Variants in NTM observed in about 807,000 individuals in gnomAD.
NTM encodes the protein IgLON family member 2.
NTM carries 13 observed loss-of-function variants against 42.1 expected under a neutral mutation model. The ratio of observed to expected loss-of-function variants is 0.31; its 90% CI spans 0.20 to 0.49. The LOEUF is 0.49. Among genes scored for constraint, NTM ranks in the 20% least tolerant of loss-of-function variants. NTM has a pLI of 0.99. For missense variants in NTM, 373 were observed against 452.8 expected, an observed-to-expected ratio of 0.82 and a Z score of 1.60; for synonymous variants, 187 against 179.2, an observed-to-expected ratio of 1.04 and a Z score of -0.35.
chr11:132,038,634 G>T (rs895242186), intron 2 of NTM, among the ~76,000 whole-genome samples: 3 of 152,218 alleles, frequency 2.0e-5, no homozygotes, highest in Admixed American at 2.0e-4. Context: ...AACCCTTGCT[G>T]CTGTTGCTGC....
intron 1 of NTM, among the ~76,000 whole-genome samples, chr11:131,817,676 G>A (rs1592063186): frequency 6.6e-6 from 1 of 152,322 alleles, no homozygotes; most frequent in South Asian, 2.1e-4. Context: ...GGGCCTCTGA[G>A]CTTCCATGAG....
chr11:132,077,431 A>G (rs538125999), intron 2 of NTM, among the ~76,000 whole-genome samples: 1 of 152,224 alleles, frequency 6.6e-6, no homozygotes, highest in Non-Finnish European at 1.5e-5. Context: ...GCAAGAGGGA[A>G]AATACCAGCA....
intron 1 of NTM, among the ~76,000 whole-genome samples, chr11:131,595,195 C>T (rs975928903): frequency 6.6e-6 from 1 of 152,146 alleles, no homozygotes; most frequent in Non-Finnish European, 1.5e-5. Context: ...GTCTAGGGCT[C>T]ATCCAGCCAC....
At chr11:131,872,628 T>C (rs1168542948) in intron 1 of NTM, among the ~76,000 whole-genome samples, 1 of 152,194 alleles carries the variant, frequency 6.6e-6, no homozygotes, top group Non-Finnish European at 1.5e-5. Flanking sequence ...AGAATATGAA[T>C]GGTGTATTTA....
intron 1 of NTM, among the ~76,000 whole-genome samples, chr11:131,529,283 A>G (rs935167703): frequency 4.6e-5 from 7 of 152,250 alleles, no homozygotes; most frequent in African/African-American, 1.4e-4. Flanking sequence ...TCCAGAGGAC[A>G]ATCATGTAAA....
chr11:131,493,295 T>C (rs1003363623), intron 1 of NTM, among the ~76,000 whole-genome samples: 4 of 151,986 alleles, frequency 2.6e-5, no homozygotes, highest in Admixed American at 6.6e-5. Context: ...TAAAAGACAA[T>C]TATTATAATG....
intron 5 of NTM, 65 bp downstream of exon 5, chr11:132,307,888 C>T (rs2095148839): frequency 1.2e-5 from 18 of 1,514,510 alleles, no homozygotes; most frequent in South Asian, 1.2e-5. Context: ...ACAGCCACCA[C>T]CCAGAGCCCA....
chr11:131,543,467 C>T (rs2053542441), intron 1 of NTM, among the ~76,000 whole-genome samples: 1 of 152,234 alleles, frequency 6.6e-6, no homozygotes, highest in Admixed American at 6.5e-5. Flanking sequence ...GGCAACAGGA[C>T]ACTGATCCAC....
intron 4 of NTM, among the ~76,000 whole-genome samples, chr11:132,265,650 A>G (rs2093137051): frequency 6.6e-6 from 1 of 152,218 alleles, no homozygotes; most frequent in Admixed American, 6.5e-5. Flanking sequence ...ATGACAGTGA[A>G]GGTGGATGGG....
intron 2 of NTM, among the ~76,000 whole-genome samples, chr11:132,016,541 C>G (rs1372417030): frequency 6.6e-6 from 1 of 151,822 alleles, no homozygotes; most frequent in Admixed American, 6.6e-5. Flanking sequence ...TATTAATTCA[C>G]TAGTTGCTAG....
rs114306969 is a variant in NTM at position 132,205,933 on chromosome 11, T to C, written c.401-6089T>C. Among the ~76,000 whole-genome samples, 645 of 152,252 alleles carry C rather than the reference T, an allele frequency of 4.2e-3. 3 individuals carry two copies. The highest frequency in any genetic ancestry group is 0.015 in the African/African-American group (622 of 41,550). Reference sequence around the variant, plus strand: ...TGTTCTCCCCAAAAGTAGTTCCCCCTAGAAGGTCTAGGGGTCTCCCTGTGC... The same window carrying C: ...TGTTCTCCCCAAAAGTAGTTCCCCCCAGAAGGTCTAGGGGTCTCCCTGTGC... On this transcript the variant is annotated intron_variant, in intron 3 of 8. Transcript: ENST00000683400.
intron 1 of NTM, among the ~76,000 whole-genome samples, chr11:131,725,298 C>T (rs2078827912): frequency 6.6e-6 from 1 of 152,136 alleles, no homozygotes; most frequent in African/African-American, 2.4e-5. Context: ...AAAATCTTTG[C>T]TCTTTTTGGG....
intron 1 of NTM, among the ~76,000 whole-genome samples, chr11:131,441,421 C>G (rs1030977718): frequency 2.0e-5 from 3 of 152,150 alleles, no homozygotes; most frequent in Non-Finnish European, 4.4e-5. Context: ...TACTCTGATT[C>G]TTATTGAATT....
At chr11:132,315,434 G>C (rs2095403380) in intron 7 of NTM, among the ~76,000 whole-genome samples, 1 of 152,202 alleles carries the variant, frequency 6.6e-6, no homozygotes, top group Non-Finnish European at 1.5e-5. Context: ...GATGAACGCA[G>C]ATTCTCCCTA....
At chr11:132,214,525 GT>G (rs2083457841) in intron 4 of NTM, among the ~76,000 whole-genome samples, 5 of 152,024 alleles carry the variant, frequency 3.3e-5, no homozygotes, top group Non-Finnish European at 5.9e-5. Flanking sequence ...TTTTGTTGTT[GT>G]TCTATGCTTT....
At chr11:131,479,174 G>C (rs1186198190) in intron 1 of NTM, among the ~76,000 whole-genome samples, 1 of 152,218 alleles carries the variant, frequency 6.6e-6, no homozygotes, top group Non-Finnish European at 1.5e-5. Flanking sequence ...AGATAAATTA[G>C]AGACATTCTC....
chr11:132,011,179 T>C (rs2072086839), intron 2 of NTM, among the ~76,000 whole-genome samples: 1 of 152,016 alleles, frequency 6.6e-6, no homozygotes, highest in South Asian at 2.1e-4. Context: ...AAGAACTGAA[T>C]AAAGTCACCT....
At chr11:131,925,428 A>G (rs1309047463) in intron 2 of NTM, among the ~76,000 whole-genome samples, 2 of 127,890 alleles carry the variant, frequency 1.6e-5, no homozygotes, top group African/African-American at 6.3e-5. Flanking sequence ...TCTGTCACCC[A>G]GGCTGGAGTG....
At chr11:131,730,495 G>A (rs1005476598) in intron 1 of NTM, among the ~76,000 whole-genome samples, 1 of 152,040 alleles carries the variant, frequency 6.6e-6, no homozygotes, top group African/African-American at 2.4e-5. Context: ...CAGGAGGATA[G>A]GTTGAACCCG....
Sources: allele counts gnomAD v4.1 joint callset (sites outside exome capture counted in the v4.1 genomes callset), GRCh38; gene constraint gnomAD v4.1.1; transcripts MANE v1.5; gene names NCBI Gene and HGNC (gene_info 2026-07-23, HGNC 2026-07-21).